The following MYH4 variants were observed in gnomAD, a reference collection of about 807,000 sequenced individuals.
MYH4 encodes the protein myosin-4.
Under a neutral mutation model 229.9 loss-of-function variants are expected in MYH4, and 200 were observed. The observed-to-expected ratio is 0.87, with a 90% CI of 0.78 to 0.98. MYH4 has a LOEUF of 0.98. Among genes scored for constraint, MYH4 ranks in the 50% least tolerant of loss-of-function variants. The pLI, the probability that MYH4 is intolerant of heterozygous loss-of-function variation, is 0.00. For synonymous variants in MYH4, 761 were observed against 834.6 expected, an observed-to-expected ratio of 0.91 and a Z score of 1.52; for missense variants, 2,148 against 2,332.6, an observed-to-expected ratio of 0.92 and a Z score of 1.63.
intron 6 of MYH4, 43 bp downstream of exon 6, chr17:10,464,638 C>CATTG (rs1567707076): frequency 4.3e-6 from 7 of 1,613,298 alleles, no homozygotes; most frequent in Non-Finnish European, 5.9e-6. Context: ...GTAGTAGCCA[C>CATTG]TACAATGATC....
At chr17:10,458,693 G>C (rs1366223572) in intron 15 of MYH4, among the ~76,000 whole-genome samples, 1 of 152,134 alleles carries the variant, frequency 6.6e-6, no homozygotes, top group African/African-American at 2.4e-5. Context: ...ATCTAGATCT[G>C]ATGTAACTAT....
chr17:10,463,703 A>ACCTCTTTCCCTTCCCCATTGC (rs1406047021), intron 7 of MYH4, 60 bp from the exon 8 acceptor site: 49 of 1,345,928 alleles, frequency 3.6e-5, no homozygotes, highest in Non-Finnish European at 5.1e-5. Flanking sequence ...TTTCCCATTG[A>ACCTCTTTCCCTTCCCCATTGC]CCTCTTTCCC....
At position 10,459,250 on chromosome 17, in the gene MYH4, C is replaced by T; in HGVS notation, c.1587+1G>A. 1.2e-6 allele frequency: 2 copies of T among 1,613,968 alleles called. No homozygotes were observed. Among genetic ancestry groups the T allele is most frequent in the Non-Finnish European group, 8.5e-7 (1 of 1,179,950 alleles). ...TTGAAAGCTAGAAAAGTCATATGAA[C>T]CTTCTCGATGAGCTCGATGCAGGCA... On this transcript the variant is annotated splice_donor_variant, in intron 15 of 39. Transcript: ENST00000255381. LOFTEE classifies it high-confidence loss of function.
chr17:10,444,872 T>C lies in MYH4; in HGVS notation c.5494A>G (p.Ser1832Gly), dbSNP rs1372203128. 10 of 1,614,034 alleles carry C rather than the reference T, an allele frequency of 6.2e-6. No individual in the cohort carries two copies. The highest frequency in any genetic ancestry group is 8.5e-6 in the Non-Finnish European group (10 of 1,180,028). Residue 1832 changes from serine to glycine, a missense_variant, in exon 38 of 40, where the codon AGT becomes GGT. By Grantham distance (56) the Ser-to-Gly change is moderately conservative (BLOSUM62 0). Transcript: ENST00000255381. ...GCCTCAACATTGTGCTTCTGTTCAC[T>C]TTCCACCTCACTTTCAAGCTCTCTC... ...RVRELESEVE[S>G]EQKHNVEAVK...
intron 25 of MYH4, 71 bp downstream of exon 25, chr17:10,452,716 T>A (rs972087139): frequency 6.7e-7 from 1 of 1,491,832 alleles, no homozygotes; most frequent in African/African-American, 1.4e-5. Context: ...ATTTTGGAGA[T>A]CTTTTTAGCG....
At position 10,448,862 on chromosome 17, in the gene MYH4, A is replaced by G. The variant is rs1597415592; in HGVS notation, c.4365+2T>C. The G allele has an allele frequency of 1.9e-6, 3 of 1,613,998 alleles. No individual in the cohort carries two copies. Among genetic ancestry groups the G allele is most frequent in the Non-Finnish European group, 2.5e-6 (3 of 1,179,958 alleles). On this transcript the variant is annotated splice_donor_variant, in intron 31 of 39. Coordinates refer to ENST00000255381, the MANE Select transcript of MYH4 (RefSeq NM_017533.2). LOFTEE classifies it high-confidence loss of function. The stretch of plus-strand genomic sequence containing the variant: ...CCAAGGGGAGCTGGTACTGTGGACC[A>G]CCTTGTCAAAGTTTCTTTGCTTCTT...
chr17:10,448,784 C>A lies in MYH4; in HGVS notation c.4366-1G>T, dbSNP rs1311575534. The stretch of plus-strand genomic sequence containing the variant: ...ACTTCTGTTTCCATTCTGCCAGAAC[C>A]TGGAAGTATATAGAAAATAAGCCTT... On this transcript the variant is annotated splice_acceptor_variant, in intron 31 of 39. Coordinates refer to ENST00000255381, the MANE Select transcript of MYH4 (RefSeq NM_017533.2). LOFTEE classifies it high-confidence loss of function. 6.2e-7 allele frequency: 1 copy of A among 1,613,740 alleles called. No homozygotes were observed. Among genetic ancestry groups the A allele is most frequent in the South Asian group, 1.1e-5 (1 of 91,054 alleles).
chr17:10,448,149 T>A (rs754309942), intron 33 of MYH4, 23 bp from the exon 34 acceptor site: 2 of 1,579,446 alleles, frequency 1.3e-6, no homozygotes, highest in South Asian at 2.3e-5. Flanking sequence ...AACATTTATT[T>A]AGGTTACCTA....
In MYH4 at chr17:10,464,563, G is replaced by A; in HGVS notation, c.557C>T (p.Thr186Ile). Residue 186 changes from threonine to isoleucine, a missense_variant, in exon 7 of 40, where the codon ACT becomes ATT. Transcript: ENST00000255381. ...LITGESGAGK[T>I]VNTKRVIQYF... Reference sequence around the variant, plus strand: ...CTGGATGACACGCTTCGTGTTCACAGTCTTCCCTGCACCAGATTCTCCACT... The same window carrying A: ...CTGGATGACACGCTTCGTGTTCACAATCTTCCCTGCACCAGATTCTCCACT... 6.2e-7 allele frequency: 1 copy of A among 1,614,040 alleles called. No individual in the cohort carries two copies. The highest frequency in any genetic ancestry group is 1.3e-5 in the African/African-American group (1 of 75,036).
At position 10,453,601 on chromosome 17, in the gene MYH4, C is replaced by G. The variant is rs747915980; in HGVS notation, c.2934+42G>C. 1.4e-5 allele frequency: 23 copies of G among 1,613,408 alleles called. 1 individual carries two copies. Among genetic ancestry groups the G allele is most frequent in the Non-Finnish European group, 1.9e-5 (23 of 1,179,702 alleles). ...ATTTTTAATTAAAATACTTCAGTAT[C>G]AAGGTGCTTATAAATATTCTAAAAT... On this transcript the variant is annotated intron_variant, in intron 23 of 39. Transcript: ENST00000255381.
Position 10,456,819 on chromosome 17 carries a change from C to T in MYH4, c.1898-264G>A, listed in dbSNP as rs571743320. On this transcript the variant is annotated intron_variant, in intron 16 of 39. Transcript: ENST00000255381. ...TAGATGTGGGTAGGGGATGGGACTC[C>T]CCTACTCCAAGTCAGCAATGTCTGT... Among the ~76,000 whole-genome samples, 12 of 152,240 alleles carry T rather than the reference C, an allele frequency of 7.9e-5. No individual in the cohort carries two copies. The East Asian group carries it at 1.9e-3, about 25-fold the overall frequency.
In MYH4 at chr17:10,460,099, C is replaced by T. The variant is rs1266602589; in HGVS notation, c.1269G>A (p.Val423=). 6.2e-7 allele frequency: 1 copy of T among 1,614,218 alleles called. No individual in the cohort carries two copies. The highest frequency in any genetic ancestry group is 8.5e-7 in the Non-Finnish European group (1 of 1,180,044). ...TGGCCAGAGCACCCACTGCATTGTA[C>T]ACCTTCAACAGAAGTGATAGTTTAG... ...FVTKGQTVQQ[V]YNAVGALAKA... The change falls in exon 14 of 40, where the codon GTG becomes GTA. Residue 423 remains valine (V), a splice_region_variant and synonymous_variant. Coordinates refer to ENST00000255381, the MANE Select transcript of MYH4 (RefSeq NM_017533.2).
Position 10,444,690 on chromosome 17 carries a change from C to T in MYH4, c.5581G>A (p.Asp1861Asn), listed in dbSNP as rs1173535774. Residue 1861 changes from aspartate (D) to asparagine (N), a missense_variant, in exon 39 of 40, where the codon GAC becomes AAC. Coordinates refer to ENST00000255381, the MANE Select transcript of MYH4 (RefSeq NM_017533.2). ...TGCAGCCTGAGAATATTCTTGCGGT[C>T]CTCCTCAGTCTGAAAGAGGTGCAAG... ...VKELTYQTEE[D>N]RKNILRLQDL... is the part of the protein sequence containing the mutation. 12 of 1,613,820 alleles carry T rather than the reference C, an allele frequency of 7.4e-6. No individual in the cohort carries two copies. Among genetic ancestry groups the T allele is most frequent in the Non-Finnish European group, 1.0e-5 (12 of 1,179,918 alleles).
intron 35 of MYH4, among the ~76,000 whole-genome samples, chr17:10,445,741 CTTG>C (rs988313475): frequency 2.6e-5 from 4 of 151,996 alleles, no homozygotes; most frequent in African/African-American, 9.7e-5. Flanking sequence ...AAATAGTTGT[CTTG>C]TTGGCTGGGC....
chr17:10,448,896 C>T lies in MYH4; in HGVS notation c.4333G>A (p.Ala1445Thr). The T allele has an allele frequency of 6.2e-7, 1 of 1,614,178 alleles. No homozygotes were observed. Among genetic ancestry groups the T allele is most frequent in the Non-Finnish European group, 8.5e-7 (1 of 1,180,030 alleles). The change falls in exon 31 of 40, where the codon GCT (alanine) becomes ACT (threonine). Residue 1445 changes from alanine (A) to threonine (T), a missense_variant. By Grantham distance (58) the Ala-to-Thr change is moderately conservative. Transcript: ENST00000255381. The part of the protein sequence containing the change: ...DVERSNAACI[A>T]LDKKQRNFDK... ...AAGTTTCTTTGCTTCTTATCGAGAG[C>T]TATGCAGGCAGCATTAGATCGTTCC...
rs183968628 is a variant in MYH4 at position 10,445,159 on chromosome 17, T to C, written c.5296-13A>G. On this transcript the variant is annotated splice_polypyrimidine_tract_variant and intron_variant, in intron 36 of 39. Transcript: ENST00000255381. ...CCATCATGGCAGCCTAGTTAGCAAA[T>C]AAATTTTGAAAATAATGAATTCTGA... The C allele has an allele frequency of 1.9e-6, 3 of 1,614,116 alleles. No individual in the cohort carries two copies. The Admixed American group carries it at 5.0e-5, about 27-fold the overall frequency.
chr17:10,464,412 T>A lies in MYH4; in HGVS notation c.648+60A>T, dbSNP rs1305476866. The A allele has an allele frequency of 8.7e-6, 12 of 1,374,210 alleles. No individual in the cohort carries two copies. The East Asian group carries it at 1.8e-4, about 21-fold the overall frequency. 85.1% of individuals were successfully genotyped at this position (1,374,210 alleles called of 1,614,324 possible). ...TTTTCTGTATACAGTCTACTGTTGA[T>A]GTGCACGTGGTTAGATTTTAAAATC... On this transcript the variant is annotated intron_variant, in intron 7 of 39. Coordinates refer to ENST00000255381, the MANE Select transcript of MYH4 (RefSeq NM_017533.2).
Position 10,466,546 on chromosome 17 carries a change from C to T in MYH4, c.200G>A (p.Gly67Glu). ...GCTCCAGGTGTTTTTACTCACAGCT[C>T]CAGCTTCGGTCTTGGCTGTCACCTT... is the stretch of plus-strand genomic sequence containing the variant. ...GGKVTAKTEA[G>E]ATVTVKEDQV... is the part of the protein sequence containing the mutation. The change falls in exon 3 of 40, where the codon GGA becomes GAA. Residue 67 changes from glycine (G) to glutamate (E), a missense_variant. Gly to Glu is a moderately conservative substitution (Grantham distance 98, BLOSUM62 -2). Transcript: ENST00000255381. 2 of 1,613,942 alleles carry T rather than the reference C, an allele frequency of 1.2e-6. No individual in the cohort carries two copies. Among genetic ancestry groups the T allele is most frequent in the Non-Finnish European group, 8.5e-7 (1 of 1,180,032 alleles).
Position 10,448,529 on chromosome 17 carries a change from AT to A in MYH4, c.4532-10del. ...CAGGTCAGAAATCTCCTCTGTAATAATAAAGTACCAAATTTCAGTTAAGTAG... is the reference window on the plus strand; with the variant it reads ...CAGGTCAGAAATCTCCTCTGTAATAAAAAGTACCAAATTTCAGTTAAGTAG... On this transcript the variant is annotated splice_polypyrimidine_tract_variant and intron_variant, in intron 32 of 39. Transcript: ENST00000255381. 1.2e-6 allele frequency: 2 copies of A among 1,611,484 alleles called. No individual in the cohort carries two copies. The highest frequency in any genetic ancestry group is 1.7e-6 in the Non-Finnish European group (2 of 1,179,326).
Sources: gnomAD v4.1 joint callset for allele counts (sites outside exome capture counted in the v4.1 genomes callset) on GRCh38, gnomAD v4.1.1 for gene constraint, MANE v1.5 for transcripts, NCBI Gene and HGNC (gene_info 2026-07-23, HGNC 2026-07-21) for gene names.